ZFYVE28: variants seen among roughly 807,000 people sequenced by gnomAD.
ZFYVE28 encodes the protein lateral signaling target protein 2 homolog.
Under a neutral mutation model 82.1 loss-of-function variants are expected in ZFYVE28, and 40 were observed. The observed-to-expected ratio is 0.49, with a 90% CI of 0.38 to 0.63. The LOEUF (loss-of-function observed/expected upper bound fraction) is 0.63. Ranked by LOEUF, ZFYVE28 falls within the 30% of genes least tolerant of loss-of-function variation. The pLI is 0.00. For missense variants in ZFYVE28, 1,321 were observed against 1,242.1 expected (o/e 1.06, Z -0.96); for synonymous variants, 612 against 546.1 (o/e 1.12, Z -1.68).
Position 2,417,306 on chromosome 4 carries a change from G to C in ZFYVE28, c.39+979C>G, listed in dbSNP as rs1330947464. On this transcript the variant is annotated intron_variant, in intron 1 of 12. Transcript: ENST00000290974. The surrounding 1 kb of genome is among the most constrained non-coding windows in gnomAD (Gnocchi z 4.8). ...CGCCCAGATGCGCCCTGGACCCTGC[G>C]CCGGGATCCTGAACACCGCCGCGCC... Among the ~76,000 whole-genome samples, 1 of 152,096 alleles carries C rather than the reference G, an allele frequency of 6.6e-6. No homozygotes were observed. The highest frequency in any genetic ancestry group is 2.4e-5 in the African/African-American group (1 of 41,444).
intron 8 of ZFYVE28, among the ~76,000 whole-genome samples, chr4:2,277,987 A>G (rs1244197208): frequency 2.0e-5 from 3 of 152,294 alleles, no homozygotes; most frequent in Admixed American, 6.5e-5. Flanking sequence ...CGACATACAG[A>G]CCAATGAGAC....
chr4:2,387,451 G>A (rs1187248713), intron 1 of ZFYVE28, among the ~76,000 whole-genome samples: 1 of 152,216 alleles, frequency 6.6e-6, no homozygotes, highest in Non-Finnish European at 1.5e-5. Flanking sequence ...CCTTGTCCTC[G>A]TGCTGTGCCT....
chr4:2,366,735 C>T (rs1726932954), intron 1 of ZFYVE28, among the ~76,000 whole-genome samples: 1 of 152,174 alleles, frequency 6.6e-6, no homozygotes. Context: ...AGACCCCCTC[C>T]CACCCACAGA....
rs374575756 is a variant in ZFYVE28 at position 2,418,272 on chromosome 4, C to A, written c.39+13G>T. ...CGACGCGGGGGGCGTCCGGCCCGAG[C>A]GGGGCCGCTCACCTTGGGTTTGTAG... On this transcript the variant is annotated intron_variant, in intron 1 of 12. Transcript: ENST00000290974. The surrounding 1 kb of genome is among the most constrained non-coding windows in gnomAD (Gnocchi z 4.6). The A allele has an allele frequency of 7.6e-5, 117 of 1,534,518 alleles. No homozygotes were observed. In the African/African-American group the frequency reaches 1.4e-3, roughly 19 times the overall value.
chr4:2,335,304 C>G lies in ZFYVE28; in HGVS notation c.701+401G>C, dbSNP rs1175451480. Among the ~76,000 whole-genome samples, 2 of 152,138 alleles carry G rather than the reference C, an allele frequency of 1.3e-5. No individual in the cohort carries two copies. The highest frequency in any genetic ancestry group is 3.9e-4 in the East Asian group (2 of 5,174). ...ACAGCCTCCTGAGGGACCCGGGGGGCAGCTCGTCCTCTTGTTACCACCAAG... is the reference window on the plus strand; with the variant it reads ...ACAGCCTCCTGAGGGACCCGGGGGGGAGCTCGTCCTCTTGTTACCACCAAG... On this transcript the variant is annotated intron_variant, in intron 6 of 12. Coordinates refer to ENST00000290974, the MANE Select transcript of ZFYVE28 (RefSeq NM_020972.3). This position sits in a 1 kb window ranked among gnomAD's most constrained non-coding sequence, Gnocchi z 5.8.
In ZFYVE28 at chr4:2,278,941, C is replaced by CAA. The variant is rs61079376; in HGVS notation, c.2052-4727_2052-4726dup. Among the ~76,000 whole-genome samples the CAA allele has an allele frequency of 4.5e-3, 565 of 126,580 alleles. 4 individuals are homozygous for CAA. Among genetic ancestry groups the CAA allele is most frequent in the African/African-American group, 0.016 (546 of 34,824 alleles). 83.0% of individuals were successfully genotyped at this position (126,580 alleles called of 152,430 possible). On this transcript the variant is annotated intron_variant, in intron 8 of 12. Coordinates refer to ENST00000290974, the MANE Select transcript of ZFYVE28 (RefSeq NM_020972.3). ...ACGATTAGAATGTTCCCCCCCCCCT[C>CAA]AAAAAAAAAAAACCCAGAAAATATG... is the stretch of plus-strand genomic sequence containing the variant.
At chr4:2,279,575 C>T (rs528971372) in intron 8 of ZFYVE28, among the ~76,000 whole-genome samples, 48 of 152,208 alleles carry the variant, frequency 3.2e-4, no homozygotes, top group East Asian at 1.2e-3. Flanking sequence ...GTCAGGAGAT[C>T]GAGACCATCC....
intron 5 of ZFYVE28, 86 bp downstream of exon 5, chr4:2,337,321 C>T: frequency 1.6e-6 from 2 of 1,248,900 alleles, no homozygotes; most frequent in Non-Finnish European, 1.1e-6. Context: ...AGCAGGTTCC[C>T]CCAGAGCTGC....
intron 5 of ZFYVE28, among the ~76,000 whole-genome samples, chr4:2,336,974 G>C (rs1578149978): frequency 1.3e-5 from 2 of 151,086 alleles, no homozygotes; most frequent in Admixed American, 1.3e-4. Flanking sequence ...GTGGTGAGGA[G>C]TGAGGAGGTG....
chr4:2,373,305 C>T lies in ZFYVE28; in HGVS notation c.40-19232G>A, dbSNP rs1443257174. ...TCAAGCCCAGGAGTTCAAGACCAGC[C>T]TGGGCAACATAGTGAGACCTACATC... On this transcript the variant is annotated intron_variant, in intron 1 of 12. Transcript: ENST00000290974. Among the ~76,000 whole-genome samples, 3 of 152,112 alleles carry T rather than the reference C, an allele frequency of 2.0e-5. No homozygotes were observed. In the East Asian group the frequency reaches 5.8e-4, roughly 29 times the overall value.
chr4:2,317,891 C>T (rs1376774916), intron 7 of ZFYVE28, among the ~76,000 whole-genome samples: 1 of 152,186 alleles, frequency 6.6e-6, no homozygotes, highest in Non-Finnish European at 1.5e-5. Context: ...CCTGGGCCTC[C>T]CAAGGTGCCT....
At chr4:2,412,067 G>C (rs1732578509) in intron 1 of ZFYVE28, among the ~76,000 whole-genome samples, 1 of 152,222 alleles carries the variant, frequency 6.6e-6, no homozygotes, top group African/African-American at 2.4e-5. Flanking sequence ...GGCAGGGGCA[G>C]GGCGCATCCT....
intron 1 of ZFYVE28, among the ~76,000 whole-genome samples, chr4:2,375,370 G>A (rs558778909): frequency 3.3e-5 from 5 of 152,282 alleles, no homozygotes; most frequent in South Asian, 2.1e-4. Flanking sequence ...GGCCAGCATC[G>A]AAGGAGGCCC....
chr4:2,391,841 T>C (rs1287191663), intron 1 of ZFYVE28, among the ~76,000 whole-genome samples: 1 of 151,096 alleles, frequency 6.6e-6, no homozygotes, highest in Non-Finnish European at 1.5e-5. Flanking sequence ...CTTCAAGCGA[T>C]TCCCCTGCCT....
intron 2 of ZFYVE28, among the ~76,000 whole-genome samples, chr4:2,344,179 G>C (rs1439321396): frequency 6.6e-6 from 1 of 152,232 alleles, no homozygotes; most frequent in Non-Finnish European, 1.5e-5. Flanking sequence ...TCAGAGAGCA[G>C]GAGGCAGAGA....
intron 1 of ZFYVE28, among the ~76,000 whole-genome samples, chr4:2,356,221 C>A (rs552301631): frequency 6.6e-6 from 1 of 152,188 alleles, no homozygotes; most frequent in African/African-American, 2.4e-5. Flanking sequence ...TGGGCTCCAG[C>A]GACGGCTGCA....
At chr4:2,349,043 G>A (rs1221604784) in intron 2 of ZFYVE28, among the ~76,000 whole-genome samples, 1 of 152,108 alleles carries the variant, frequency 6.6e-6, no homozygotes, top group African/African-American at 2.4e-5. Context: ...CAGTCTGAGT[G>A]GATTTAGTGT....
At chr4:2,370,451 G>A (rs1727415431) in intron 1 of ZFYVE28, among the ~76,000 whole-genome samples, 1 of 152,150 alleles carries the variant, frequency 6.6e-6, no homozygotes, top group South Asian at 2.1e-4. Context: ...TCACACTTGG[G>A]GGTAGGGATT....
In ZFYVE28 at chr4:2,372,074, C is replaced by T. The variant is rs1049962387; in HGVS notation, c.40-18001G>A. Among the ~76,000 whole-genome samples the T allele has an allele frequency of 6.6e-6, 1 of 152,150 alleles. No homozygotes were observed. The highest frequency in any genetic ancestry group is 2.4e-5 in the African/African-American group (1 of 41,442). ...TCAGCCCAGTGGAAGCCTGGAGGGG[C>T]GTGCAGCGTGTGGCCGGTTCTGGTG... On this transcript the variant is annotated intron_variant, in intron 1 of 12. Coordinates refer to ENST00000290974, the MANE Select transcript of ZFYVE28 (RefSeq NM_020972.3). This position sits in a 1 kb window ranked among gnomAD's most constrained non-coding sequence, Gnocchi z 5.2.
Sources: gnomAD v4.1 joint callset for allele counts (sites outside exome capture counted in the v4.1 genomes callset) on GRCh38, gnomAD v4.1.1 for gene constraint, Gnocchi (gnomAD v3.1) non-coding constraint, MANE v1.5 for transcripts, NCBI Gene and HGNC (gene_info 2026-07-23, HGNC 2026-07-21) for gene names.